The following PCDHGA10 variants were observed in gnomAD, a reference collection of about 807,000 sequenced individuals.
The protein encoded by PCDHGA10 is protocadherin gamma-A10.
A neutral mutation model predicts 59.5 loss-of-function variants in PCDHGA10; 42 were observed. The observed-to-expected ratio is 0.71, with a 90% CI of 0.55 to 0.91. PCDHGA10 has a LOEUF of 0.91. Ranked by LOEUF, PCDHGA10 falls within the 40% of genes least tolerant of loss-of-function variation. The pLI is 0.00. For missense variants in PCDHGA10, 1,111 were observed against 1,198.2 expected (o/e 0.93, Z 1.07); for synonymous variants, 511 against 517.2 (o/e 0.99, Z 0.16).
At position 141,415,102 on chromosome 5, in the gene PCDHGA10, A is replaced by C; in HGVS notation, c.1927A>C (p.Lys643Gln). 6.2e-7 allele frequency: 1 copy of C among 1,613,550 alleles called. No homozygotes were observed. ...AGCCCTGCTGGACAGAGACGCGCTCAAGCAAAGCCTCGTAGTGGCCGTCCA... is the reference window on the plus strand; with the variant it reads ...AGCCCTGCTGGACAGAGACGCGCTCCAGCAAAGCCTCGTAGTGGCCGTCCA... ...ARALLDRDAL[K>Q]QSLVVAVQDH... Residue 643 changes from lysine (K) to glutamine (Q), a missense_variant, in exon 1 of 4, where the codon AAG becomes CAG. By Grantham distance (53) the Lys-to-Gln change is moderately conservative. Coordinates refer to ENST00000398610, the MANE Select transcript of PCDHGA10 (RefSeq NM_018913.3).
chr5:141,485,106 T>A lies in PCDHGA10; in HGVS notation c.2437-9701T>A, dbSNP rs2099607051. 8.3e-7 allele frequency: 1 copy of A among 1,206,448 alleles called. No individual in the cohort carries two copies. Among genetic ancestry groups the A allele is most frequent in the Admixed American group, 1.8e-5 (1 of 55,050 alleles). 74.7% of individuals were successfully genotyped at this position (1,206,448 alleles called of 1,614,324 possible). On this transcript the variant is annotated intron_variant, in intron 1 of 3. Coordinates refer to ENST00000398610, the MANE Select transcript of PCDHGA10 (RefSeq NM_018913.3). The surrounding 1 kb of genome is among the most constrained non-coding windows in gnomAD (Gnocchi z 5.7). ...GGGAGATAGGTGTCTCCAGCTGCTG[T>A]GGCTGTTTGGGGCGGGTCGGCTTCA...
chr5:141,469,370 A>T (rs1453825795), intron 1 of PCDHGA10, among the ~76,000 whole-genome samples: 1 of 152,106 alleles, frequency 6.6e-6, no homozygotes, highest in Non-Finnish European at 1.5e-5. Flanking sequence ...AGGTAAAGAG[A>T]TCGAGACCAT....
chr5:141,495,430 C>T (rs1189953474), intron 2 of PCDHGA10, among the ~76,000 whole-genome samples: 3 of 152,220 alleles, frequency 2.0e-5, no homozygotes, highest in Admixed American at 2.0e-4. Context: ...TCCCACTGTC[C>T]TCTGCCCCTA....
At chr5:141,466,213 C>G (rs2099118871) in intron 1 of PCDHGA10, among the ~76,000 whole-genome samples, 1 of 151,958 alleles carries the variant, frequency 6.6e-6, no homozygotes, top group South Asian at 2.1e-4. Flanking sequence ...CTCTGTTACC[C>G]AGGCTGGAGT....
chr5:141,489,530 G>C lies in PCDHGA10; in HGVS notation c.2437-5277G>C, dbSNP rs751249228. 17 of 1,614,092 alleles carry C rather than the reference G, an allele frequency of 1.1e-5. 1 individual carries two copies. In the South Asian group the frequency reaches 1.9e-4, roughly 18 times the overall value. ...AAGATTGACCGAGAAAGCCTATGTG[G>C]AGCCAGCACCAGCTGCCTGCTGCCA... On this transcript the variant is annotated intron_variant, in intron 1 of 3. Coordinates refer to ENST00000398610, the MANE Select transcript of PCDHGA10 (RefSeq NM_018913.3). The surrounding 1 kb of genome is among the most constrained non-coding windows in gnomAD (Gnocchi z 4.5).
intron 1 of PCDHGA10, among the ~76,000 whole-genome samples, chr5:141,473,246 A>G (rs1045740920): frequency 7.2e-5 from 11 of 152,224 alleles, no homozygotes; most frequent in Admixed American, 4.6e-4. Context: ...AAGTGAATAC[A>G]TATATAGTCC....
chr5:141,479,838 C>T (rs539142918), intron 1 of PCDHGA10, among the ~76,000 whole-genome samples: 1 of 152,298 alleles, frequency 6.6e-6, no homozygotes, highest in African/African-American at 2.4e-5. Context: ...GGTATCCATG[C>T]AAGGTGACTG....
At chr5:141,502,866 C>CTTTTTTTTTTTTTTTT (rs549047197) in intron 2 of PCDHGA10, among the ~76,000 whole-genome samples, 4 of 128,044 alleles carry the variant, frequency 3.1e-5, no homozygotes, top group African/African-American at 3.1e-5. Context: ...GACTCTCTGT[C>CTTTTTTTTTTTTTTTT]TTTTTTTTTT....
chr5:141,414,475 C>T lies in PCDHGA10; in HGVS notation c.1300C>T (p.Pro434Ser), dbSNP rs2095752413. 1 of 1,613,804 alleles carries T rather than the reference C, an allele frequency of 6.2e-7. No individual in the cohort carries two copies. The highest frequency in any genetic ancestry group is 8.5e-7 in the Non-Finnish European group (1 of 1,179,902). The change falls in exon 1 of 4, where the codon CCT (proline) becomes TCT (serine). Residue 434 changes from proline to serine, a missense_variant. By Grantham distance (74) the Pro-to-Ser change is moderately conservative (BLOSUM62 -1). Transcript: ENST00000398610. The part of the protein sequence containing the change: ...ITVTATDGGS[P>S]PLSTEAHFML... ...AGTGACAGCCACAGATGGGGGAAGT[C>T]CTCCTCTATCAACGGAAGCTCACTT... is the stretch of plus-strand genomic sequence containing the variant.
chr5:141,461,845 C>CA (rs2099025049), intron 1 of PCDHGA10, among the ~76,000 whole-genome samples: 1 of 151,000 alleles, frequency 6.6e-6, no homozygotes. Context: ...TTTTTTGAGA[C>CA]AGAGTTTTGC....
rs1190444840 is a variant in PCDHGA10, at chr5:141,413,940, TC to T, written c.767del (p.Pro256LeufsTer11). 2 of 1,613,390 alleles carry T rather than the reference TC, an allele frequency of 1.2e-6. No individual in the cohort carries two copies. The highest frequency in any genetic ancestry group is 2.2e-5 in the East Asian group (1 of 44,840). ...FTLPEYRVSV[P>X]ENLPVGTQLL... Reference sequence around the variant, plus strand: ...CCTTGCCAGAATACCGAGTGAGTGTTCCTGAGAATTTGCCTGTGGGCACTCA... The same window carrying T: ...CCTTGCCAGAATACCGAGTGAGTGTTCTGAGAATTTGCCTGTGGGCACTCA... On this transcript the variant is annotated frameshift_variant, in exon 1 of 4. Transcript: ENST00000398610. LOFTEE classifies it high-confidence loss of function.
chr5:141,434,254 T>C (rs1440934691), intron 1 of PCDHGA10, among the ~76,000 whole-genome samples: 3 of 152,176 alleles, frequency 2.0e-5, no homozygotes, highest in Admixed American at 6.5e-5. Context: ...TTGGGCATTG[T>C]GGGGGAGGTG....
intron 1 of PCDHGA10, among the ~76,000 whole-genome samples, chr5:141,442,846 C>T (rs1489647686): frequency 2.6e-5 from 4 of 152,234 alleles, no homozygotes; most frequent in Non-Finnish European, 4.4e-5. Context: ...AAATCTTGGC[C>T]ATTGTAGTAT....
At chr5:141,418,901 A>G in intron 1 of PCDHGA10, 1 of 1,614,016 alleles carries the variant, frequency 6.2e-7, no homozygotes, top group East Asian at 2.2e-5. Context: ...CCCAGAAATA[A>G]TCATCACGTC....
In PCDHGA10 at chr5:141,432,776, G is replaced by C. The variant is rs975435403; in HGVS notation, c.2436+17165G>C. 1.9e-6 allele frequency: 3 copies of C among 1,614,172 alleles called. No homozygotes were observed. In the African/African-American group the frequency reaches 4.0e-5, roughly 22 times the overall value. ...GGCCGACAGCATCCCCCAAGTCCTG[G>C]CGGACCTCGGCAGCCTCGAGTCTCC... On this transcript the variant is annotated intron_variant, in intron 1 of 3. Transcript: ENST00000398610. This position sits in a 1 kb window ranked among gnomAD's most constrained non-coding sequence, Gnocchi z 6.0.
rs762255781 is a variant in PCDHGA10 at position 141,413,932 on chromosome 5, G to T, written c.757G>T (p.Val253Leu). The T allele has an allele frequency of 1.2e-6, 2 of 1,613,426 alleles. No individual in the cohort carries two copies. The highest frequency in any genetic ancestry group is 1.7e-5 in the Admixed American group (1 of 60,018). The change falls in exon 1 of 4, where the codon GTG (valine) becomes TTG (leucine). Residue 253 changes from valine to leucine, a missense_variant. By Grantham distance (32) the Val-to-Leu change is conservative. Coordinates refer to ENST00000398610, the MANE Select transcript of PCDHGA10 (RefSeq NM_018913.3). ...GGTCTTCACCTTGCCAGAATACCGA[G>T]TGAGTGTTCCTGAGAATTTGCCTGT... ...APVFTLPEYRVSVPENLPVGT... is the reference protein window; with the variant it reads ...APVFTLPEYRLSVPENLPVGT...
rs919375073 is a variant in PCDHGA10 at position 141,490,642 on chromosome 5, C to A, written c.2437-4165C>A. On this transcript the variant is annotated intron_variant, in intron 1 of 3. Coordinates refer to ENST00000398610, the MANE Select transcript of PCDHGA10 (RefSeq NM_018913.3). This position sits in a 1 kb window ranked among gnomAD's most constrained non-coding sequence, Gnocchi z 5.4. ...CACTGCTTACATCCTAGAAAACCGG[C>A]CTCCGGGCTCCCTTCTTTGCACTGT... 4.3e-6 allele frequency: 7 copies of A among 1,614,102 alleles called. No individual in the cohort carries two copies. In the African/African-American group the frequency reaches 6.7e-5, roughly 15 times the overall value.
chr5:141,433,259 T>C (rs776486704), intron 1 of PCDHGA10: 3 of 1,380,658 alleles, frequency 2.2e-6, no homozygotes, highest in Non-Finnish European at 3.0e-6. Flanking sequence ...AGCGGTACGA[T>C]CATAGCTCAC....
At chr5:141,422,758 A>C (rs1237677806) in intron 1 of PCDHGA10, 3 of 1,613,032 alleles carry the variant, frequency 1.9e-6, no homozygotes, top group Non-Finnish European at 2.5e-6. Flanking sequence ...TATTAACTCC[A>C]ACACTGGTGT....
Sources: gnomAD v4.1 joint callset for allele counts (sites outside exome capture counted in the v4.1 genomes callset) on GRCh38, gnomAD v4.1.1 for gene constraint, Gnocchi (gnomAD v3.1) non-coding constraint, MANE v1.5 for transcripts, NCBI Gene and HGNC (gene_info 2026-07-23, HGNC 2026-07-21) for gene names.